The following BEND3 variants were observed in gnomAD, a reference collection of about 807,000 sequenced individuals.
BEND3 encodes the protein BEN domain containing 3, also known as BEN domain-containing protein 3.
In BEND3, 13 loss-of-function variants were observed where a neutral mutation model predicts 60.1. The observed-to-expected ratio is 0.22, with a 90% CI of 0.14 to 0.34. The LOEUF is 0.34. Ranked by LOEUF, BEND3 falls within the 10% of genes least tolerant of loss-of-function variation. The pLI is 1.00. For missense variants in BEND3, 896 were observed against 1,138.1 expected (o/e 0.79, Z 3.06); for synonymous variants, 497 against 491.5 (o/e 1.01, Z -0.15).
At chr6:107,090,279 G>A (rs1376548527) in intron 3 of BEND3, among the ~76,000 whole-genome samples, 1 of 152,114 alleles carries the variant, frequency 6.6e-6, no homozygotes, top group East Asian at 1.9e-4. Flanking sequence ...AACCTTGGAG[G>A]TGGAGGTCGC....
chr6:107,084,498 T>C (rs1345098405), intron 3 of BEND3, among the ~76,000 whole-genome samples: 1 of 151,644 alleles, frequency 6.6e-6, no homozygotes, highest in Non-Finnish European at 1.5e-5. Flanking sequence ...CAGCACTCTG[T>C]AAAAACGCAC....
chr6:107,084,605 G>T (rs1311900910), intron 3 of BEND3, among the ~76,000 whole-genome samples: 4 of 151,592 alleles, frequency 2.6e-5, no homozygotes, highest in African/African-American at 9.7e-5. Context: ...CTAAAGGATT[G>T]TAAACACACC....
chr6:107,079,000 A>G (rs150143732), intron 3 of BEND3, among the ~76,000 whole-genome samples: 18 of 152,052 alleles, frequency 1.2e-4, no homozygotes, highest in Non-Finnish European at 2.4e-4. Flanking sequence ...TCCTGTGCCT[A>G]TAGAAATCCC....
Position 107,067,518 on chromosome 6 carries a change from C to T in BEND3, c.*1186G>A, listed in dbSNP as rs576573600. ...CAGGGGGTGGCCAGGTATAGGACAG[C>T]AGGACCTTCTAGAGAGTCCAAGAGG... On this transcript the variant is annotated 3_prime_UTR_variant, in exon 4 of 4. Transcript: ENST00000369042. 2 of 152,348 alleles carry T rather than the reference C, an allele frequency of 1.3e-5. No individual in the cohort carries two copies. The highest frequency in any genetic ancestry group is 4.8e-5 in the African/African-American group (2 of 41,578). 9.4% of individuals were successfully genotyped at this position (152,348 alleles called of 1,614,324 possible). A position where few individuals can be genotyped will look rare whatever the true frequency, so the allele number is the denominator to read the frequency against.
chr6:107,113,521 A>C (rs1040200274), intron 1 of BEND3, among the ~76,000 whole-genome samples: 1 of 151,430 alleles, frequency 6.6e-6, no homozygotes, highest in South Asian at 2.1e-4. Flanking sequence ...CACAGACACC[A>C]GCTAACCCAG....
chr6:107,069,286 G>A lies in BEND3; in HGVS notation c.1905C>T (p.Phe635=), dbSNP rs1417714071. 9 of 1,612,382 alleles carry A rather than the reference G, an allele frequency of 5.6e-6. No individual in the cohort carries two copies. The highest frequency in any genetic ancestry group is 5.3e-5 in the African/African-American group (4 of 74,890). Residue 635 remains phenylalanine (F), a synonymous_variant, in exon 4 of 4, where the codon TTC becomes TTT. Coordinates refer to ENST00000369042, the MANE Select transcript of BEND3 (RefSeq NM_001367314.1). The part of the protein sequence containing the change: ...AKNDRVWTLE[F]VGKLDERCRR... ...GGCAGCGCTCATCCAGTTTGCCCAC[G>A]AACTCCAGGGTCCAGACGCGGTCGT...
rs1292257902 is a variant in BEND3 at position 107,065,890 on chromosome 6, C to A, written c.*2814G>T. 6.6e-6 allele frequency: 1 copy of A among 152,412 alleles called. No homozygotes were observed. Among genetic ancestry groups the A allele is most frequent in the East Asian group, 1.9e-4 (1 of 5,190 alleles). 9.4% of individuals were successfully genotyped at this position (152,412 alleles called of 1,614,324 possible). A position where few individuals can be genotyped will look rare whatever the true frequency, so the allele number is the denominator to read the frequency against. On this transcript the variant is annotated 3_prime_UTR_variant, in exon 4 of 4. Transcript: ENST00000369042. ...AAATGACACCAGACACGACTTTATTCCCTGTCAAACATTTGTTGTCCTGTA... is the reference window on the plus strand; with the variant it reads ...AAATGACACCAGACACGACTTTATTACCTGTCAAACATTTGTTGTCCTGTA...
Position 107,068,575 on chromosome 6 carries a change from G to A in BEND3, c.*129C>T. The A allele has an allele frequency of 9.8e-7, 1 of 1,023,204 alleles. No homozygotes were observed. Among genetic ancestry groups the A allele is most frequent in the Non-Finnish European group, 1.4e-6 (1 of 714,568 alleles). The allele number at this position is 1,023,204 out of a possible 1,614,324, so 63.4% of individuals were successfully genotyped here. On this transcript the variant is annotated 3_prime_UTR_variant, in exon 4 of 4. Coordinates refer to ENST00000369042, the MANE Select transcript of BEND3 (RefSeq NM_001367314.1). This position sits in a 1 kb window ranked among gnomAD's most constrained non-coding sequence, Gnocchi z 5.8. ...GTGTTTACGTGTGCAAATGTAGTAA[G>A]CCACTCCCCACGGACATAAGGTGCC...
intron 1 of BEND3, among the ~76,000 whole-genome samples, chr6:107,106,438 CCTG>C (rs1288430089): frequency 6.6e-6 from 1 of 152,160 alleles, no homozygotes; most frequent in African/African-American, 2.4e-5. Flanking sequence ...TTTCCCTCTT[CCTG>C]CTAAGCTGTG....
intron 3 of BEND3, among the ~76,000 whole-genome samples, chr6:107,083,162 C>T (rs539080830): frequency 2.3e-4 from 35 of 152,290 alleles, no homozygotes; most frequent in African/African-American, 8.4e-4. Flanking sequence ...TCATCTGCCA[C>T]AGCAGATCAC....
chr6:107,102,535 G>A (rs1185825338), intron 1 of BEND3, among the ~76,000 whole-genome samples: 1 of 152,124 alleles, frequency 6.6e-6, no homozygotes, highest in Non-Finnish European at 1.5e-5. Flanking sequence ...CGGCTGCCTG[G>A]GCATTCAAGA....
intron 3 of BEND3, among the ~76,000 whole-genome samples, chr6:107,074,138 G>C (rs142915738): frequency 6.6e-6 from 1 of 152,116 alleles, no homozygotes; most frequent in African/African-American, 2.4e-5. Context: ...ATTTATGGCC[G>C]GGTGCGGTGG....
rs781786351 is a variant in BEND3 at position 107,069,295 on chromosome 6, G to A, written c.1896C>T (p.Thr632=). 1.2e-6 allele frequency: 2 copies of A among 1,612,822 alleles called. No individual in the cohort carries two copies. The highest frequency in any genetic ancestry group is 2.2e-5 in the South Asian group (2 of 90,990). The stretch of plus-strand genomic sequence containing the variant: ...CATCCAGTTTGCCCACGAACTCCAG[G>A]GTCCAGACGCGGTCGTTTTTGGCGC... ...YPRAKNDRVW[T]LEFVGKLDER... is the part of the protein sequence containing the mutation. The change falls in exon 4 of 4, where the codon ACC becomes ACT. Residue 632 remains threonine (T), a synonymous_variant. Coordinates refer to ENST00000369042, the MANE Select transcript of BEND3 (RefSeq NM_001367314.1).
At chr6:107,075,227 AAAATAAAT>A (rs79362873) in intron 3 of BEND3, among the ~76,000 whole-genome samples, 2 of 150,698 alleles carry the variant, frequency 1.3e-5, no homozygotes, top group East Asian at 3.9e-4. Flanking sequence ...CTGTGTCTCA[AAAATAAAT>A]AAATAAATAA....
intron 3 of BEND3, among the ~76,000 whole-genome samples, chr6:107,096,128 G>GTTTT (rs1554235896): frequency 6.6e-6 from 1 of 152,114 alleles, no homozygotes; most frequent in East Asian, 1.9e-4. Context: ...AAACATGCAG[G>GTTTT]GGTAAGGAAG....
At position 107,070,927 on chromosome 6, in the gene BEND3, G is replaced by A. The variant is rs1554231977; in HGVS notation, c.264C>T (p.Asn88=). ...CTTGGCAGGGCGAGCTGTTCTCACG[G>A]TTCCGCATGCCTGCTAGGAGAGCCT... ...IPEALLAGMR[N]RENSSPCQGN... Residue 88 remains asparagine (N), a synonymous_variant, in exon 4 of 4, where the codon AAC becomes AAT. Coordinates refer to ENST00000369042, the MANE Select transcript of BEND3 (RefSeq NM_001367314.1). This position sits in a 1 kb window ranked among gnomAD's most constrained non-coding sequence, Gnocchi z 6.9. 1.2e-6 allele frequency: 2 copies of A among 1,611,670 alleles called. No individual in the cohort carries two copies.
rs1313471342 is a variant in BEND3 at position 107,066,177 on chromosome 6, C to A, written c.*2527G>T. On this transcript the variant is annotated 3_prime_UTR_variant, in exon 4 of 4. Transcript: ENST00000369042. ...GTGGGGGAAGGAAAGCGACTGCCAACAGGTTTCATGGAACACATTAAATTT... is the reference window on the plus strand; with the variant it reads ...GTGGGGGAAGGAAAGCGACTGCCAAAAGGTTTCATGGAACACATTAAATTT... 2 of 150,332 alleles carry A rather than the reference C, an allele frequency of 1.3e-5. No individual in the cohort carries two copies. The highest frequency in any genetic ancestry group is 4.9e-5 in the African/African-American group (2 of 40,874). The allele number at this position is 150,332 out of a possible 1,614,324, so 9.3% of individuals were successfully genotyped here.
At chr6:107,103,574 G>A (rs189657708) in intron 1 of BEND3, among the ~76,000 whole-genome samples, 160 of 152,174 alleles carry the variant, frequency 1.1e-3, no homozygotes, top group Non-Finnish European at 1.5e-3. Flanking sequence ...ACATCCACAC[G>A]TTCCCCAAAA....
chr6:107,089,690 G>C (rs1374595506), intron 3 of BEND3, among the ~76,000 whole-genome samples: 3 of 150,494 alleles, frequency 2.0e-5, no homozygotes, highest in Non-Finnish European at 4.4e-5. Flanking sequence ...TGCCTCCCAT[G>C]TTCAAGTGAT....
Sources: gnomAD v4.1 joint callset for allele counts (sites outside exome capture counted in the v4.1 genomes callset) on GRCh38, gnomAD v4.1.1 for gene constraint, Gnocchi (gnomAD v3.1) non-coding constraint, MANE v1.5 for transcripts, NCBI Gene and HGNC (gene_info 2026-07-23, HGNC 2026-07-21) for gene names.